The following LRRC28 variants were observed in gnomAD, a reference collection of about 807,000 sequenced individuals.
LRRC28 encodes leucine rich repeat containing 28.
LRRC28 carries 39 observed loss-of-function variants against 45.7 expected under a neutral mutation model. The observed-to-expected ratio is 0.85, with a 90% CI of 0.66 to 1.12. LRRC28 has a LOEUF of 1.12. Ranked by LOEUF, LRRC28 falls within the 50% of genes most tolerant of loss-of-function variation. The probability of loss-of-function intolerance (pLI) is 0.00; values close to 1 mark genes in which losing one functional copy is unlikely to be tolerated. For synonymous variants in LRRC28, 206 were observed against 178.8 expected (o/e 1.15, Z -1.22); for missense variants, 435 against 438.5 (o/e 0.99, Z 0.07).
chr15:99,310,016 CAG>C (rs1955345259), intron 5 of LRRC28, among the ~76,000 whole-genome samples: 1 of 152,136 alleles, frequency 6.6e-6, no homozygotes, highest in Non-Finnish European at 1.5e-5. Flanking sequence ...CAGAATCAGT[CAG>C]AGACTTCTGA....
intron 5 of LRRC28, among the ~76,000 whole-genome samples, chr15:99,327,563 C>G (rs1956026618): frequency 6.6e-6 from 1 of 151,874 alleles, no homozygotes; most frequent in African/African-American, 2.4e-5. Flanking sequence ...ATCTTTTGTT[C>G]CTAGTTTTCC....
At chr15:99,339,917 G>A (rs929385159) in intron 6 of LRRC28, among the ~76,000 whole-genome samples, 20 of 152,166 alleles carry the variant, frequency 1.3e-4, no homozygotes, top group African/African-American at 4.3e-4. Flanking sequence ...TTATTTTCTT[G>A]GGAAGAGTTA....
At chr15:99,289,434 A>G (rs1304865770) in intron 5 of LRRC28, among the ~76,000 whole-genome samples, 3 of 152,204 alleles carry the variant, frequency 2.0e-5, no homozygotes, top group South Asian at 2.1e-4. Flanking sequence ...ATGTGACTCA[A>G]ATAAAATTAC....
chr15:99,293,174 T>C (rs932302321), intron 5 of LRRC28, among the ~76,000 whole-genome samples: 1 of 152,234 alleles, frequency 6.6e-6, no homozygotes, highest in Non-Finnish European at 1.5e-5. Context: ...TTTATATTAT[T>C]GTGCATATTT....
At chr15:99,314,291 G>C (rs186208107) in intron 5 of LRRC28, among the ~76,000 whole-genome samples, 154 of 152,046 alleles carry the variant, frequency 1.0e-3, no homozygotes, top group African/African-American at 3.6e-3. Context: ...TAAAAGATTA[G>C]CAAGGAAATG....
rs1364025101 is a variant in LRRC28, at chr15:99,294,143, G to T, written c.385+6192G>T. Among the ~76,000 whole-genome samples, 3 of 152,202 alleles carry T rather than the reference G, an allele frequency of 2.0e-5. No individual in the cohort carries two copies. In the East Asian group the frequency reaches 5.8e-4, roughly 29 times the overall value. ...TCTTTATCTTTGGTATTAGCAGTTT[G>T]TATATGATGTGTCTTGATACAGGAT... On this transcript the variant is annotated intron_variant, in intron 5 of 9. Transcript: ENST00000301981.
At chr15:99,263,744 A>G (rs779546332) in intron 2 of LRRC28, among the ~76,000 whole-genome samples, 1 of 152,220 alleles carries the variant, frequency 6.6e-6, no homozygotes, top group Non-Finnish European at 1.5e-5. Context: ...CCGAAGACTG[A>G]CTTTGACAGG....
intron 6 of LRRC28, among the ~76,000 whole-genome samples, chr15:99,350,764 A>G (rs1042203400): frequency 6.6e-6 from 1 of 152,168 alleles, no homozygotes; most frequent in Non-Finnish European, 1.5e-5. Flanking sequence ...AACCCTAGAA[A>G]ACCTTTCAAA....
At chr15:99,271,182 T>G (rs1244406763) in intron 2 of LRRC28, among the ~76,000 whole-genome samples, 1 of 152,218 alleles carries the variant, frequency 6.6e-6, no homozygotes, top group Non-Finnish European at 1.5e-5. Context: ...AGATATATGA[T>G]TTGTAAGTAT....
At chr15:99,257,715 G>T in intron 2 of LRRC28, 1 of 773,274 alleles carries the variant, frequency 1.3e-6, no homozygotes, top group Non-Finnish European at 2.4e-6. Flanking sequence ...TGATGTGGAA[G>T]GTACAGTAGA....
intron 5 of LRRC28, among the ~76,000 whole-genome samples, chr15:99,309,745 A>T (rs1006181033): frequency 2.0e-5 from 3 of 152,176 alleles, no homozygotes; most frequent in African/African-American, 7.2e-5. Context: ...GCTCTCTTCC[A>T]CAATTTCTTA....
At chr15:99,253,804 T>C (rs936100329) in intron 1 of LRRC28, among the ~76,000 whole-genome samples, 2 of 152,162 alleles carry the variant, frequency 1.3e-5, no homozygotes, top group Non-Finnish European at 2.9e-5. Context: ...CTGTGGCTTG[T>C]GGTTTTGGCA....
chr15:99,304,582 C>T (rs1215072877), intron 5 of LRRC28, among the ~76,000 whole-genome samples: 1 of 151,862 alleles, frequency 6.6e-6, no homozygotes, highest in Non-Finnish European at 1.5e-5. Context: ...AGGTGTGCAC[C>T]AACACGCCCG....
chr15:99,335,688 C>T (rs1328792802), intron 6 of LRRC28, among the ~76,000 whole-genome samples: 2 of 151,884 alleles, frequency 1.3e-5, no homozygotes. Context: ...TTTTTACCCC[C>T]CTCACATTCA....
At position 99,383,355 on chromosome 15, in the gene LRRC28, G is replaced by T. The variant is rs1473123656; in HGVS notation, c.1032-2675G>T. Among the ~76,000 whole-genome samples, 4 of 152,298 alleles carry T rather than the reference G, an allele frequency of 2.6e-5. No individual in the cohort carries two copies. The East Asian group carries it at 7.7e-4, about 29-fold the overall frequency. On this transcript the variant is annotated intron_variant, in intron 9 of 9. Transcript: ENST00000301981. The stretch of plus-strand genomic sequence containing the variant: ...TGTTCCTCAAGTCCCACTGTCCCTA[G>T]GCTGTCTGCCTTGGTTCTCCCTTTC...
intron 5 of LRRC28, among the ~76,000 whole-genome samples, chr15:99,314,047 C>T (rs1451134626): frequency 6.6e-6 from 1 of 152,116 alleles, no homozygotes; most frequent in African/African-American, 2.4e-5. Flanking sequence ...AGAGTTTTGT[C>T]CAGTGTTAAG....
chr15:99,321,480 C>T (rs1052009876), intron 5 of LRRC28, among the ~76,000 whole-genome samples: 3 of 152,168 alleles, frequency 2.0e-5, no homozygotes, highest in African/African-American at 7.2e-5. Context: ...ATAGAATACT[C>T]CCATCACTTG....
chr15:99,328,679 T>G (rs949982569), intron 5 of LRRC28, among the ~76,000 whole-genome samples: 1 of 148,252 alleles, frequency 6.7e-6, no homozygotes, highest in Non-Finnish European at 1.5e-5. Context: ...CTGCCCTCAT[T>G]ACTGGTGGGC....
intron 9 of LRRC28, among the ~76,000 whole-genome samples, chr15:99,382,888 G>A (rs1165352158): frequency 3.3e-5 from 5 of 151,760 alleles, no homozygotes; most frequent in Non-Finnish European, 7.4e-5. Flanking sequence ...CTGAGAGTAA[G>A]GTATTGAAGT....
Sources: allele counts gnomAD v4.1 joint callset (sites outside exome capture counted in the v4.1 genomes callset), GRCh38; gene constraint gnomAD v4.1.1; transcripts MANE v1.5; gene names NCBI Gene and HGNC (gene_info 2026-07-23, HGNC 2026-07-21).